Variants in ABAT observed in about 807,000 individuals in gnomAD.
ABAT encodes the protein 4-aminobutyrate aminotransferase, mitochondrial.
In ABAT, 45 loss-of-function variants were observed where a neutral mutation model predicts 64.6. The observed-to-expected ratio is 0.70, with a 90% CI of 0.55 to 0.89. The LOEUF is 0.89. Ranked by LOEUF, ABAT falls within the 40% of genes least tolerant of loss-of-function variation. The pLI is 0.00. For synonymous variants in ABAT, 297 were observed against 250.5 expected, an observed-to-expected ratio of 1.19 and a Z score of -1.75; for missense variants, 633 against 658.4, an observed-to-expected ratio of 0.96 and a Z score of 0.42.
In ABAT at chr16:8,764,717, C is replaced by A. The variant is rs749138260; in HGVS notation, c.448-21C>A. 6.2e-7 allele frequency: 1 copy of A among 1,608,386 alleles called. No homozygotes were observed. Among genetic ancestry groups the A allele is most frequent in the East Asian group, 2.2e-5 (1 of 44,832 alleles). ...AGGAGTCATGATGAGCCTGGGCTCA[C>A]GGCTATTTCCCTCCCCACAGGTGGC... On this transcript the variant is annotated intron_variant, in intron 7 of 15. Coordinates refer to ENST00000268251, the MANE Select transcript of ABAT (RefSeq NM_020686.6). This position sits in a 1 kb window ranked among gnomAD's most constrained non-coding sequence, Gnocchi z 4.2.
At chr16:8,773,782 C>T (rs943764579) in intron 12 of ABAT, among the ~76,000 whole-genome samples, 7 of 152,150 alleles carry the variant, frequency 4.6e-5, no homozygotes, top group Admixed American at 3.9e-4. Flanking sequence ...TTTTTAGTTC[C>T]CACCTGAGTG....
At position 8,768,927 on chromosome 16, in the gene ABAT, A is replaced by T. The variant is rs1377874387; in HGVS notation, c.770A>T (p.Glu257Val). 1 of 1,614,052 alleles carries T rather than the reference A, an allele frequency of 6.2e-7. No homozygotes were observed. Among genetic ancestry groups the T allele is most frequent in the Admixed American group, 1.7e-5 (1 of 60,000 alleles). The change falls in exon 11 of 16, where the codon GAG becomes GTG. Residue 257 changes from glutamate to valine, a missense_variant. Coordinates refer to ENST00000268251, the MANE Select transcript of ABAT (RefSeq NM_020686.6). ...CCACGGCTGAAATACCCTCTGGAAG[A>T]GTTTGTGAAAGAGAACCAACAGGAG... is the stretch of plus-strand genomic sequence containing the variant. ...PFPRLKYPLEEFVKENQQEEA... is the reference protein window; with the variant it reads ...PFPRLKYPLEVFVKENQQEEA...
intron 1 of ABAT, among the ~76,000 whole-genome samples, chr16:8,702,839 C>A (rs1480978808): frequency 1.3e-5 from 2 of 152,036 alleles, no homozygotes; most frequent in African/African-American, 4.8e-5. Context: ...GCACACAGAC[C>A]ACAGCCCATG....
chr16:8,721,794 G>A (rs2058379087), intron 1 of ABAT, among the ~76,000 whole-genome samples: 1 of 152,014 alleles, frequency 6.6e-6, no homozygotes, highest in Non-Finnish European at 1.5e-5. Flanking sequence ...AGCTCATCTC[G>A]CCCCTCCCCG....
intron 1 of ABAT, among the ~76,000 whole-genome samples, chr16:8,690,653 C>T (rs976508674): frequency 1.3e-5 from 2 of 152,170 alleles, no homozygotes; most frequent in Non-Finnish European, 2.9e-5. Flanking sequence ...ATCTCATTCT[C>T]GGCAGTGCCT....
chr16:8,712,623 C>G (rs2058101577), intron 1 of ABAT, among the ~76,000 whole-genome samples: 3 of 152,102 alleles, frequency 2.0e-5, no homozygotes. Context: ...TTGTGGAGTC[C>G]CCTTTGGCCC....
intron 3 of ABAT, among the ~76,000 whole-genome samples, chr16:8,746,950 A>AGGTGT: frequency 6.6e-6 from 1 of 152,108 alleles, no homozygotes; most frequent in Non-Finnish European, 1.5e-5. Flanking sequence ...GATCTAGGTT[A>AGGTGT]GGCGTGGCTT....
chr16:8,778,888 T>C (rs2060346977), intron 14 of ABAT, among the ~76,000 whole-genome samples: 1 of 152,170 alleles, frequency 6.6e-6, no homozygotes, highest in African/African-American at 2.4e-5. Context: ...TATTTCCAAA[T>C]TAGGTCCTAG....
intron 1 of ABAT, among the ~76,000 whole-genome samples, chr16:8,718,622 G>A (rs1052692538): frequency 3.9e-5 from 6 of 152,176 alleles, no homozygotes; most frequent in African/African-American, 1.4e-4. Context: ...CCCAGAGCTG[G>A]TCTCTGAGGT....
At chr16:8,775,110 T>G in intron 13 of ABAT, 53 bp downstream of exon 13, 2 of 1,607,968 alleles carry the variant, frequency 1.2e-6, no homozygotes, top group Non-Finnish European at 1.7e-6. Flanking sequence ...GGGAGCATCC[T>G]CTTCTCCTAA....
intron 1 of ABAT, among the ~76,000 whole-genome samples, chr16:8,677,329 C>T (rs1730958): frequency 0.25 from 38,013 of 152,134 alleles, 5,100 homozygotes; most frequent in African/African-American, 0.32. Flanking sequence ...GCCAAGGTGC[C>T]TGGGGACAAG....
intron 1 of ABAT, among the ~76,000 whole-genome samples, chr16:8,677,716 C>T (rs2057236895): frequency 6.6e-6 from 1 of 152,102 alleles, no homozygotes; most frequent in Non-Finnish European, 1.5e-5. Flanking sequence ...GCCAGATGTG[C>T]CCTGGGGAGC....
chr16:8,701,175 T>C (rs1275960468), intron 1 of ABAT, among the ~76,000 whole-genome samples: 4 of 152,088 alleles, frequency 2.6e-5, no homozygotes, highest in Admixed American at 2.6e-4. Context: ...TGAACTAAAG[T>C]GATCTACCTG....
chr16:8,679,250 A>G (rs2057275114), intron 1 of ABAT, among the ~76,000 whole-genome samples: 1 of 152,156 alleles, frequency 6.6e-6, no homozygotes, highest in Admixed American at 6.5e-5. Flanking sequence ...ACTTGCTAAC[A>G]CCAGAAGTTG....
chr16:8,692,200 G>C (rs1488530322), intron 1 of ABAT, among the ~76,000 whole-genome samples: 1 of 152,034 alleles, frequency 6.6e-6, no homozygotes, highest in Non-Finnish European at 1.5e-5. Context: ...GGGCAACAAA[G>C]TAAGACTTTG....
chr16:8,696,417 G>A (rs945732076), intron 1 of ABAT, among the ~76,000 whole-genome samples: 1 of 152,186 alleles, frequency 6.6e-6, no homozygotes, highest in Non-Finnish European at 1.5e-5. Context: ...GAGGTCAGGT[G>A]TTCAAGACCA....
chr16:8,777,040 G>A (rs1446085782), intron 14 of ABAT, among the ~76,000 whole-genome samples: 4 of 152,028 alleles, frequency 2.6e-5, no homozygotes, highest in Admixed American at 1.3e-4. Context: ...CTGGGATTAC[G>A]GGCATGTGCC....
At chr16:8,688,216 A>C (rs2057501911) in intron 1 of ABAT, among the ~76,000 whole-genome samples, 1 of 152,214 alleles carries the variant, frequency 6.6e-6, no homozygotes, top group Middle Eastern at 3.4e-3. Context: ...CCTACCTACA[A>C]GACACTGGGT....
chr16:8,775,586 C>T (rs1291335790), intron 13 of ABAT, among the ~76,000 whole-genome samples: 1 of 147,734 alleles, frequency 6.8e-6, no homozygotes, highest in Non-Finnish European at 1.5e-5. Context: ...ACACACACAG[C>T]CATCAGGGGC....
Sources: gnomAD v4.1 joint callset for allele counts (sites outside exome capture counted in the v4.1 genomes callset) on GRCh38, gnomAD v4.1.1 for gene constraint, Gnocchi (gnomAD v3.1) non-coding constraint, MANE v1.5 for transcripts, NCBI Gene and HGNC (gene_info 2026-07-23, HGNC 2026-07-21) for gene names.